Variants in DAB1 observed in about 807,000 individuals in gnomAD.
DAB1 encodes the protein DAB adaptor protein 1, also known as disabled homolog 1.
A neutral mutation model predicts 64.6 loss-of-function variants in DAB1; 15 were observed. The ratio of observed to expected loss-of-function variants is 0.23; its 90% confidence interval spans 0.16 to 0.36. The LOEUF (loss-of-function observed/expected upper bound fraction) is 0.36, where lower values mean the gene tolerates loss of function less well. DAB1 is among the 10% of genes least tolerant of loss of function. The pLI is 1.00. For synonymous variants in DAB1, 235 were observed against 251.9 expected, an observed-to-expected ratio of 0.93 and a Z score of 0.64; for missense variants, 596 against 706.7, an observed-to-expected ratio of 0.84 and a Z score of 1.78.
intron 2 of DAB1, among the ~76,000 whole-genome samples, chr1:57,252,435 ACT>A (rs1669418124): frequency 6.6e-6 from 1 of 152,320 alleles, no homozygotes; most frequent in South Asian, 2.1e-4. Context: ...CTGTAAATGC[ACT>A]GAGTTTATTT....
intron 2 of DAB1, among the ~76,000 whole-genome samples, chr1:57,289,136 A>G (rs17115511): frequency 0.016 from 2,405 of 152,276 alleles, 55 homozygotes; most frequent in African/African-American, 0.055. Flanking sequence ...GAGGAGGTTC[A>G]AAAAGGGTCA....
At chr1:58,512,276 A>T (rs1198447993) in intron 2 of DAB1, among the ~76,000 whole-genome samples, 1 of 152,224 alleles carries the variant, frequency 6.6e-6, no homozygotes, top group Non-Finnish European at 1.5e-5. Flanking sequence ...ATGTGAAGAA[A>T]CTGGAACTCT....
chr1:57,711,927 G>A (rs2101746468), intron 6 of DAB1, among the ~76,000 whole-genome samples: 1 of 152,222 alleles, frequency 6.6e-6, no homozygotes, highest in East Asian at 1.9e-4. Context: ...ATCAAAAATT[G>A]TATAGGTAAT....
intron 1 of DAB1, among the ~76,000 whole-genome samples, chr1:57,329,174 G>T (rs1435671804): frequency 1.3e-5 from 2 of 152,122 alleles, no homozygotes; most frequent in Non-Finnish European, 2.9e-5. Flanking sequence ...CTGAACCCTG[G>T]TCAAGGGATT....
chr1:57,748,890 C>A (rs763115502), intron 6 of DAB1, among the ~76,000 whole-genome samples: 4 of 152,162 alleles, frequency 2.6e-5, no homozygotes, highest in African/African-American at 4.8e-5. Context: ...TCAAGCCATG[C>A]GTACGATGAA....
At chr1:57,571,604 C>G (rs1645194900) in intron 7 of DAB1, among the ~76,000 whole-genome samples, 1 of 152,200 alleles carries the variant, frequency 6.6e-6, no homozygotes, top group Non-Finnish European at 1.5e-5. Flanking sequence ...GGGCCCTCCT[C>G]CCAGCTGGAA....
intron 1 of DAB1, among the ~76,000 whole-genome samples, chr1:57,351,681 C>T (rs530194471): frequency 6.6e-5 from 10 of 151,964 alleles, no homozygotes; most frequent in African/African-American, 1.4e-4. Context: ...CATGCATGTG[C>T]GCATACACAT....
At chr1:58,049,635 G>T (rs1249172521) in intron 5 of DAB1, among the ~76,000 whole-genome samples, 1 of 152,148 alleles carries the variant, frequency 6.6e-6, no homozygotes, top group African/African-American at 2.4e-5. Flanking sequence ...ACTTAGATTT[G>T]ACTCTTAACT....
intron 5 of DAB1, among the ~76,000 whole-genome samples, chr1:58,005,608 TAAAAA>T (rs5774389): frequency 4.5e-5 from 6 of 132,986 alleles, no homozygotes; most frequent in Non-Finnish European, 6.3e-5. Flanking sequence ...CTGCCTTGGT[TAAAAA>T]AAAAAAAAAA....
chr1:57,961,447 T>C (rs1338034226), intron 5 of DAB1, among the ~76,000 whole-genome samples: 1 of 152,120 alleles, frequency 6.6e-6, no homozygotes, highest in East Asian at 1.9e-4. Context: ...GTCTCACTCA[T>C]CCACCCTCAG....
intron 1 of DAB1, among the ~76,000 whole-genome samples, chr1:57,357,507 T>G (rs1462963117): frequency 7.0e-6 from 1 of 143,738 alleles, no homozygotes; most frequent in Non-Finnish European, 1.5e-5. Flanking sequence ...TGTAGAGATC[T>G]TCACCTTCTT....
chr1:57,984,184 A>AAAAAAAG lies in DAB1; in HGVS notation n.388-100023_388-100022insCTTTTTT, dbSNP rs1276859040. Among the ~76,000 whole-genome samples, 15 of 50,716 alleles carry AAAAAAAG rather than the reference A, an allele frequency of 3.0e-4. 2 individuals carry two copies. The highest frequency in any genetic ancestry group is 2.2e-3 in the Admixed American group (8 of 3,698). 33.3% of individuals were successfully genotyped at this position (50,716 alleles called of 152,430 possible). ...TTCAGGGCCCAGGACTAGCTTAAAA[A>AAAAAAAG]AAAGAAAGAAAGAAAGAAAGAAAGA... is the stretch of plus-strand genomic sequence containing the variant. On this transcript the variant is annotated intron_variant and non_coding_transcript_variant, in intron 5 of 20. Coordinates refer to the DAB1 transcript ENST00000485760.
At chr1:58,423,348 G>T (rs1362458958) in intron 3 of DAB1, among the ~76,000 whole-genome samples, 1 of 152,136 alleles carries the variant, frequency 6.6e-6, no homozygotes, top group Non-Finnish European at 1.5e-5. Flanking sequence ...TCTCCCTCTG[G>T]CATAGAGCTG....
chr1:57,711,646 T>C (rs780123268), intron 6 of DAB1, among the ~76,000 whole-genome samples: 1 of 152,166 alleles, frequency 6.6e-6, no homozygotes, highest in African/African-American at 2.4e-5. Flanking sequence ...GAAAGACAGA[T>C]TGGGATAAGC....
Position 57,453,266 on chromosome 1 carries a change from C to T in DAB1, n.626-162100G>A, listed in dbSNP as rs143956224. Among the ~76,000 whole-genome samples the T allele has an allele frequency of 8.4e-3, 1,284 of 152,238 alleles. 31 individuals carry two copies. Among genetic ancestry groups the T allele is most frequent in the Admixed American group, 0.053 (806 of 15,286 alleles). On this transcript the variant is annotated intron_variant and non_coding_transcript_variant, in intron 7 of 20. Transcript: ENST00000485760. ...AAAGTTTATATTCAGTTCCACCACT[C>T]GAATTACAAGCACGGAAAAGATTTA...
At chr1:58,300,162 G>A (rs1429890173) in intron 4 of DAB1, among the ~76,000 whole-genome samples, 1 of 152,150 alleles carries the variant, frequency 6.6e-6, no homozygotes, top group Non-Finnish European at 1.5e-5. Context: ...AGAAGAAAAA[G>A]GGGCTTCTGG....
chr1:57,219,321 G>C (rs1666682372), intron 2 of DAB1, among the ~76,000 whole-genome samples: 1 of 151,430 alleles, frequency 6.6e-6, no homozygotes, highest in South Asian at 2.1e-4. Context: ...GAAAATCTCA[G>C]AATAAAAGAT....
chr1:58,262,374 C>A (rs986240235), intron 4 of DAB1, among the ~76,000 whole-genome samples: 1 of 152,070 alleles, frequency 6.6e-6, no homozygotes, highest in African/African-American at 2.4e-5. Context: ...CTCAGTTGGT[C>A]AAGAGATCGA....
At chr1:58,488,361 G>A (rs1023708577) in intron 3 of DAB1, among the ~76,000 whole-genome samples, 8 of 152,102 alleles carry the variant, frequency 5.3e-5, no homozygotes, top group African/African-American at 1.7e-4. Context: ...TTGGGGAACA[G>A]GCAGTGTTCA....
Sources: gnomAD v4.1 joint callset for allele counts (sites outside exome capture counted in the v4.1 genomes callset) on GRCh38, gnomAD v4.1.1 for gene constraint, MANE v1.5 for transcripts, NCBI Gene and HGNC (gene_info 2026-07-23, HGNC 2026-07-21) for gene names.